Variants in RNF150 observed in about 807,000 individuals in gnomAD.
RNF150 encodes the protein ring finger protein 150.
A neutral mutation model predicts 39.3 loss-of-function variants in RNF150; 24 were observed. That is an observed-to-expected ratio of 0.61 (90% CI 0.44 to 0.86). RNF150 has a LOEUF of 0.86. Ranked by LOEUF, RNF150 falls within the 40% of genes least tolerant of loss-of-function variation. The probability of loss-of-function intolerance (pLI) is 0.00; values close to 1 mark genes in which losing one functional copy is unlikely to be tolerated. For synonymous variants in RNF150, 255 were observed against 227.3 expected, an observed-to-expected ratio of 1.12 and a Z score of -1.10; for missense variants, 502 against 587.8, an observed-to-expected ratio of 0.85 and a Z score of 1.51.
In RNF150 at chr4:140,933,848, T is replaced by C. The variant is rs201653948; in HGVS notation, c.891-7775A>G. On this transcript the variant is annotated intron_variant, in intron 4 of 6. Coordinates refer to ENST00000515673, the MANE Select transcript of RNF150 (RefSeq NM_020724.2). ...GATGATCTAGTCATCACTTGCTATGTGGTGTTGATTAAGTCAAGTAAGTAG... is the reference window on the plus strand; with the variant it reads ...GATGATCTAGTCATCACTTGCTATGCGGTGTTGATTAAGTCAAGTAAGTAG... Among the ~76,000 whole-genome samples the C allele has an allele frequency of 7.9e-5, 12 of 152,310 alleles. No individual in the cohort carries two copies. The East Asian group carries it at 2.3e-3, about 29-fold the overall frequency.
intron 4 of RNF150, among the ~76,000 whole-genome samples, chr4:140,931,023 C>CT (rs1444637685): frequency 6.6e-6 from 1 of 151,122 alleles, no homozygotes; most frequent in Non-Finnish European, 1.5e-5. Context: ...GAAATTTTGT[C>CT]TTATAGGTAT....
chr4:141,089,974 C>T (rs6831217), intron 1 of RNF150, among the ~76,000 whole-genome samples: 151,329 of 152,324 alleles, frequency 0.99, 75,178 homozygotes, highest in Middle Eastern at 1. Flanking sequence ...CTAGTGCTCA[C>T]GCAATATCTT....
Position 141,154,612 on chromosome 4 carries a change from A to C in RNF150, c.-6+58182T>G, listed in dbSNP as rs77471272. Among the ~76,000 whole-genome samples, 268 of 152,324 alleles carry C rather than the reference A, an allele frequency of 1.8e-3. 1 individual carries two copies. Among genetic ancestry groups the C allele is most frequent in the African/African-American group, 6.1e-3 (254 of 41,568 alleles). On this transcript the variant is annotated intron_variant, in intron 1 of 7. Coordinates refer to the RNF150 transcript ENST00000420921. ...TTCTGGTGTGTTTCTAGAGAGATAG[A>C]ATATGCCCCTGTGCAACACATCTGA... is the stretch of plus-strand genomic sequence containing the variant.
At chr4:141,027,926 GTTTTTTTTTTTTTTTTT>G (rs61543533) in intron 1 of RNF150, among the ~76,000 whole-genome samples, 3 of 69,126 alleles carry the variant, frequency 4.3e-5, no homozygotes, top group African/African-American at 1.6e-4. Flanking sequence ...TTTTTTTTTT[GTTTTTTTTTTTTTTTTT>G]TTTTTTTTTC....
chr4:141,054,829 A>G (rs1335825992), intron 1 of RNF150, among the ~76,000 whole-genome samples: 1 of 152,196 alleles, frequency 6.6e-6, no homozygotes, highest in African/African-American at 2.4e-5. Flanking sequence ...GTATTAATTT[A>G]ATAAAACGAT....
intron 1 of RNF150, among the ~76,000 whole-genome samples, chr4:141,042,764 T>C (rs1383784023): frequency 6.6e-6 from 1 of 152,078 alleles, no homozygotes; most frequent in Non-Finnish European, 1.5e-5. Context: ...TTCATTCTTA[T>C]TCTCTCTCTC....
At chr4:141,072,274 ATCT>A (rs1737736784) in intron 1 of RNF150, among the ~76,000 whole-genome samples, 4 of 152,202 alleles carry the variant, frequency 2.6e-5, no homozygotes, top group Admixed American at 2.6e-4. Flanking sequence ...CCACTAACCA[ATCT>A]TCTACCCACT....
At chr4:140,965,103 A>G (rs1164571783) in intron 2 of RNF150, among the ~76,000 whole-genome samples, 1 of 152,146 alleles carries the variant, frequency 6.6e-6, no homozygotes, top group African/African-American at 2.4e-5. Context: ...TTTGAAAAGT[A>G]GAGGGTGAAA....
At chr4:141,117,149 A>G (rs1739574773) in intron 1 of RNF150, among the ~76,000 whole-genome samples, 1 of 152,200 alleles carries the variant, frequency 6.6e-6, no homozygotes, top group African/African-American at 2.4e-5. Context: ...GTATAATAAA[A>G]AAATATATAC....
At chr4:141,042,684 T>C (rs1736415614) in intron 1 of RNF150, among the ~76,000 whole-genome samples, 1 of 152,136 alleles carries the variant, frequency 6.6e-6, no homozygotes, top group South Asian at 2.1e-4. Context: ...TAAAAATCAA[T>C]TTCTATTGAA....
chr4:140,935,863 A>G (rs1048249666), intron 4 of RNF150, among the ~76,000 whole-genome samples: 3 of 152,152 alleles, frequency 2.0e-5, no homozygotes, highest in Non-Finnish European at 1.5e-5. Context: ...AAGTGTGTGT[A>G]TGTTTACGTA....
chr4:140,930,003 A>G (rs1317532984), intron 4 of RNF150, among the ~76,000 whole-genome samples: 2 of 152,272 alleles, frequency 1.3e-5, no homozygotes, highest in African/African-American at 2.4e-5. Context: ...TCTACTAAAA[A>G]TGCAAAAACT....
intron 1 of RNF150, among the ~76,000 whole-genome samples, chr4:141,026,495 C>A (rs1019655186): frequency 6.6e-6 from 1 of 152,154 alleles, no homozygotes; most frequent in African/African-American, 2.4e-5. Flanking sequence ...ACCTGATGTT[C>A]TGCATATTGC....
chr4:141,096,531 C>T (rs996091870), intron 1 of RNF150, among the ~76,000 whole-genome samples: 6 of 152,028 alleles, frequency 3.9e-5, no homozygotes, highest in Non-Finnish European at 7.4e-5. Context: ...ATTAATTATA[C>T]CCATTTTAGG....
At chr4:141,015,230 G>A (rs1048735818) in intron 1 of RNF150, among the ~76,000 whole-genome samples, 1 of 152,096 alleles carries the variant, frequency 6.6e-6, no homozygotes, top group Non-Finnish European at 1.5e-5. Flanking sequence ...GCTTCATAAT[G>A]TTTTTAAATC....
At chr4:141,080,141 T>A (rs746379894) in intron 1 of RNF150, among the ~76,000 whole-genome samples, 6 of 152,144 alleles carry the variant, frequency 3.9e-5, no homozygotes, top group Non-Finnish European at 8.8e-5. Flanking sequence ...AAAGAAAACC[T>A]CTTCCTAGGG....
At chr4:141,070,003 A>G (rs1257882364) in intron 1 of RNF150, among the ~76,000 whole-genome samples, 1 of 152,104 alleles carries the variant, frequency 6.6e-6, no homozygotes, top group Non-Finnish European at 1.5e-5. Flanking sequence ...TCCTTTCAAA[A>G]AAACCAGCTC....
chr4:140,967,772 C>T lies in RNF150; in HGVS notation c.586G>A (p.Gly196Arg), dbSNP rs370623482. ...NITVTMYITI[G>R]TRNLQKYVSR... is the part of the protein sequence containing the mutation. ...ACATATTTCTGCAAGTTCCGGGTTC[C>T]GATGGTGATGTACATTGTCACGGTG... Residue 196 changes from glycine (G) to arginine (R), a missense_variant, in exon 2 of 7, where the codon GGA becomes AGA. Physicochemically the swap from Gly to Arg is moderately radical, Grantham distance 125. Transcript: ENST00000515673. 9 of 1,613,326 alleles carry T rather than the reference C, an allele frequency of 5.6e-6. No homozygotes were observed. Among genetic ancestry groups the T allele is most frequent in the East Asian group, 2.2e-5 (1 of 44,852 alleles).
intron 1 of RNF150, among the ~76,000 whole-genome samples, chr4:141,035,790 C>G (rs1173932447): frequency 1.3e-5 from 2 of 152,092 alleles, no homozygotes; most frequent in Non-Finnish European, 2.9e-5. Flanking sequence ...GTTCAAGATA[C>G]TTTAATGGTG....
Sources: gnomAD v4.1 joint callset for allele counts (sites outside exome capture counted in the v4.1 genomes callset) on GRCh38, gnomAD v4.1.1 for gene constraint, MANE v1.5 for transcripts, NCBI Gene and HGNC (gene_info 2026-07-23, HGNC 2026-07-21) for gene names.